The following ZNF816 variants were observed in gnomAD, a reference collection of about 807,000 sequenced individuals.
ZNF816 encodes zinc finger protein 816A.
ZNF816 carries 11 observed loss-of-function variants against 8.3 expected under a neutral mutation model. That is an observed-to-expected ratio of 1.32 (90% CI 0.83 to 2.19). The LOEUF (loss-of-function observed/expected upper bound fraction) is 2.19, where lower values mean the gene tolerates loss of function less well. ZNF816 is among the 30% of genes most tolerant of loss of function. ZNF816 has a pLI of 0.00. For missense variants in ZNF816, 710 were observed against 779.3 expected (o/e 0.91, Z 1.06); for synonymous variants, 255 against 254.5 (o/e 1.00, Z -0.02).
In ZNF816 at chr19:52,956,073, G is replaced by C. The variant is rs761932347; in HGVS notation, c.17C>G (p.Ala6Gly). 1 of 1,611,068 alleles carries C rather than the reference G, an allele frequency of 6.2e-7. No homozygotes were observed. Among genetic ancestry groups the C allele is most frequent in the East Asian group, 2.2e-5 (1 of 44,838 alleles). The change falls in exon 2 of 4, where the codon GCC (alanine) becomes GGC (glycine). Residue 6 changes from alanine to glycine, a missense_variant. Ala to Gly is a moderately conservative substitution (Grantham distance 60, BLOSUM62 0). Coordinates refer to ENST00000444460, the MANE Select transcript of ZNF816 (RefSeq NM_001202457.3). ...CTCCTTTTCTTTGCTCTTCTTGGTG[G>C]CTTCCTCACGTAACATGAGTCTTTG... is the stretch of plus-strand genomic sequence containing the variant. MLREE[A>G]TKKSKEKEPG...
rs529254404 is a variant in ZNF816 at position 52,951,370 on chromosome 19, C to G, written c.405G>C (p.Leu135Phe). 9.9e-6 allele frequency: 16 copies of G among 1,614,018 alleles called. No individual in the cohort carries two copies. Among genetic ancestry groups the G allele is most frequent in the Non-Finnish European group, 1.3e-5 (15 of 1,180,000 alleles). ...HEAPMTKIKK[L>F]TGSTDRSDHR... ...GATCACTTCGGTCTGTACTACCAGTCAACTTTTTGATTTTTGTCATGGGTG... is the reference window on the plus strand; with the variant it reads ...GATCACTTCGGTCTGTACTACCAGTGAACTTTTTGATTTTTGTCATGGGTG... The change falls in exon 4 of 4, where the codon TTG becomes TTC. Residue 135 changes from leucine to phenylalanine, a missense_variant. By Grantham distance (22) the Leu-to-Phe change is conservative. Transcript: ENST00000444460.
chr19:52,950,639 CT>C lies in ZNF816; in HGVS notation c.1135del (p.Ser379ValfsTer315). ...YKCNECGKTFSQKSSLQCHHI... is the reference protein window; with the variant it reads ...YKCNECGKTFXQKSSLQCHHI... The stretch of plus-strand genomic sequence containing the variant: ...ATGGCATTGAAGGGATGATTTCTGA[CT>C]GAAGGTCTTGCCACACTCATTACAC... On this transcript the variant is annotated frameshift_variant, in exon 4 of 4. Coordinates refer to ENST00000444460, the MANE Select transcript of ZNF816 (RefSeq NM_001202457.3). LOFTEE classifies it low-confidence loss of function (END_TRUNC). The C allele has an allele frequency of 6.2e-7, 1 of 1,614,088 alleles. No homozygotes were observed. The highest frequency in any genetic ancestry group is 1.1e-5 in the South Asian group (1 of 91,066).
intron 1 of ZNF816, among the ~76,000 whole-genome samples, chr19:52,959,670 T>G (rs147631529): frequency 6.6e-6 from 1 of 152,228 alleles, no homozygotes; most frequent in East Asian, 1.9e-4. Flanking sequence ...ACCCTTCAAG[T>G]GCATAAAGCA....
rs770743835 is a variant in ZNF816, at chr19:52,957,042, C to A, written c.-15-938G>T. 6.6e-6 allele frequency among the ~76,000 whole-genome samples: 1 copy of A among 152,208 alleles called. No homozygotes were observed. Among genetic ancestry groups the A allele is most frequent in the Admixed American group, 6.6e-5 (1 of 15,262 alleles). Reference sequence around the variant, plus strand: ...TGCTTGATCTATCATGACCCTTTCACGTGGATGCCTTAGAGCTGTAAGCCC... The same window carrying A: ...TGCTTGATCTATCATGACCCTTTCAAGTGGATGCCTTAGAGCTGTAAGCCC... On this transcript the variant is annotated intron_variant, in intron 1 of 3. Transcript: ENST00000444460. This position sits in a 1 kb window ranked among gnomAD's most constrained non-coding sequence, Gnocchi z 4.6.
At chr19:52,958,535 G>A (rs1262347614) in intron 1 of ZNF816, among the ~76,000 whole-genome samples, 4 of 152,146 alleles carry the variant, frequency 2.6e-5, no homozygotes, top group East Asian at 3.8e-4. Flanking sequence ...CCTAGGCTGC[G>A]CATTGCTCCA....
In ZNF816 at chr19:52,951,874, G is replaced by T. The variant is rs191031659; in HGVS notation, c.191-290C>A. 3.6e-3 allele frequency: 1,504 copies of T among 413,906 alleles called. 6 individuals are homozygous for T. Among genetic ancestry groups the T allele is most frequent in the Non-Finnish European group, 5.5e-3 (1,292 of 236,422 alleles). The allele number at this position is 413,906 out of a possible 1,614,324, so 25.6% of individuals were successfully genotyped here. A position where few individuals can be genotyped will look rare whatever the true frequency, so the allele number is the denominator to read the frequency against. Reference sequence around the variant, plus strand: ...GATCACCACATTGCACTCCAGCCTGGGCAACAAGAGCAAAATTCTGTGTAG... The same window carrying T: ...GATCACCACATTGCACTCCAGCCTGTGCAACAAGAGCAAAATTCTGTGTAG... On this transcript the variant is annotated intron_variant, in intron 3 of 3. Coordinates refer to ENST00000444460, the MANE Select transcript of ZNF816 (RefSeq NM_001202457.3).
chr19:52,959,073 T>C (rs764757445), intron 1 of ZNF816, among the ~76,000 whole-genome samples: 1 of 152,330 alleles, frequency 6.6e-6, no homozygotes, highest in South Asian at 2.1e-4. Context: ...GTGGCCTGCC[T>C]CTCTAAGAAA....
At chr19:52,954,760 G>T (rs1332459761) in intron 2 of ZNF816, among the ~76,000 whole-genome samples, 10 of 139,950 alleles carry the variant, frequency 7.1e-5, no homozygotes, top group African/African-American at 2.8e-4. Context: ...AGAGCCAGAG[G>T]TTGCAATGTG....
At chr19:52,952,362 T>A (rs1568437488) in intron 3 of ZNF816, among the ~76,000 whole-genome samples, 1 of 151,382 alleles carries the variant, frequency 6.6e-6, no homozygotes, top group Non-Finnish European at 1.5e-5. Flanking sequence ...AGAGGGAGAC[T>A]CTGTCTGAAA....
intron 2 of ZNF816, among the ~76,000 whole-genome samples, chr19:52,955,350 T>C (rs1415568779): frequency 6.6e-6 from 1 of 152,228 alleles, no homozygotes; most frequent in Non-Finnish European, 1.5e-5. Flanking sequence ...CTTTCCATTC[T>C]ATTCTAAGAC....
At chr19:52,960,231 C>G (rs981237290) in intron 1 of ZNF816, 1 of 279,716 alleles carries the variant, frequency 3.6e-6, no homozygotes, top group African/African-American at 2.3e-5. Context: ...GGCATACAAG[C>G]TTATGAAGCA....
intron 1 of ZNF816, chr19:52,960,258 TCCAG>T (rs1207851474): frequency 3.7e-6 from 1 of 273,608 alleles, no homozygotes; most frequent in Non-Finnish European, 7.2e-6. Flanking sequence ...TTTGAAGATC[TCCAG>T]GTGGACTTCA....
chr19:52,952,771 T>C lies in ZNF816; in HGVS notation c.170A>G (p.Tyr57Cys). The C allele has an allele frequency of 6.2e-7, 1 of 1,613,970 alleles. No homozygotes were observed. The highest frequency in any genetic ancestry group is 8.5e-7 in the Non-Finnish European group (1 of 1,180,016). ...ALYRAVMLEN[Y>C]RNLEFVDSSL... ...CTCACCCACAAACTCCAGGTTCCTG[T>C]AGTTCTCCAACATCACAGCCCTGTA... Residue 57 changes from tyrosine to cysteine, a missense_variant, in exon 3 of 4, where the codon TAC becomes TGC. By Grantham distance (194) the Tyr-to-Cys change is radical. Coordinates refer to ENST00000444460, the MANE Select transcript of ZNF816 (RefSeq NM_001202457.3).
Position 52,950,557 on chromosome 19 carries a change from G to GT in ZNF816, c.1217dup (p.Tyr406Ter). 2 of 1,613,146 alleles carry GT rather than the reference G, an allele frequency of 1.2e-6. No individual in the cohort carries two copies. The highest frequency in any genetic ancestry group is 1.7e-6 in the Non-Finnish European group (2 of 1,179,646). ...GTCTTTCAAGGTGTGATCTGCGAAT[G>GT]TAAACATTGTCACATTCTTCACATT... ...PYKCEECDNV[Y>*]IRRSHLERHR... Residue 406 changes from tyrosine to a stop codon, truncating the protein, a stop_gained and frameshift_variant, in exon 4 of 4, where the codon TAC (tyrosine) becomes TAAC (stop). Coordinates refer to ENST00000444460, the MANE Select transcript of ZNF816 (RefSeq NM_001202457.3). LOFTEE classifies it low-confidence loss of function (END_TRUNC).
chr19:52,961,354 A>C (rs1376138352), intron 1 of ZNF816, among the ~76,000 whole-genome samples: 1 of 152,254 alleles, frequency 6.6e-6, no homozygotes, highest in Non-Finnish European at 1.5e-5. Context: ...AGCTCAGATT[A>C]AGATGTGGCT....
At chr19:52,953,285 TG>T in intron 2 of ZNF816, 1 of 309,566 alleles carries the variant, frequency 3.2e-6, no homozygotes, top group East Asian at 1.3e-4. Context: ...CCCAGCTACC[TG>T]GGAGGCTGAT....
At chr19:52,958,867 A>C (rs1406483628) in intron 1 of ZNF816, among the ~76,000 whole-genome samples, 4 of 152,220 alleles carry the variant, frequency 2.6e-5, no homozygotes, top group African/African-American at 9.7e-5. Flanking sequence ...ACGGAGTCAC[A>C]AAGGGGCAGG....
chr19:52,951,792 G>A, intron 3 of ZNF816: 1 of 523,144 alleles, frequency 1.9e-6, no homozygotes, highest in Non-Finnish European at 3.2e-6. Context: ...CAGCTACTCA[G>A]GAGGCTGAGG....
chr19:52,962,541 G>A (rs954298020), intron 1 of ZNF816, among the ~76,000 whole-genome samples, 186 bp downstream of exon 1: 17 of 152,132 alleles, frequency 1.1e-4, no homozygotes, highest in African/African-American at 4.1e-4. Context: ...TCTTGCCCAG[G>A]GCAAGAATCC....
Sources: gnomAD v4.1 joint callset for allele counts (sites outside exome capture counted in the v4.1 genomes callset) on GRCh38, gnomAD v4.1.1 for gene constraint, Gnocchi (gnomAD v3.1) non-coding constraint, MANE v1.5 for transcripts, NCBI Gene and HGNC (gene_info 2026-07-23, HGNC 2026-07-21) for gene names.